UNC13B: variants seen among roughly 807,000 people sequenced by gnomAD.
UNC13B encodes the protein unc-13 homolog B.
In UNC13B, 144 loss-of-function variants were observed where a neutral mutation model predicts 211.0. The ratio of observed to expected loss-of-function variants is 0.68; its 90% CI spans 0.60 to 0.78. The LOEUF (loss-of-function observed/expected upper bound fraction) is 0.78. Among genes scored for constraint, UNC13B ranks in the 30% least tolerant of loss-of-function variants. The pLI is 0.00. For synonymous variants in UNC13B, 709 were observed against 725.8 expected, an observed-to-expected ratio of 0.98 and a Z score of 0.37; for missense variants, 1,777 against 2,002.0, an observed-to-expected ratio of 0.89 and a Z score of 2.14.
rs566101713 is a variant in UNC13B, at chr9:35,312,461, T to C, written c.9324-1438T>C. ...CTGAAAAACTGACTCTGGCTCTCCA[T>C]AGACCTTAGACTTGGCAGTCACTGT... is the stretch of plus-strand genomic sequence containing the variant. On this transcript the variant is annotated intron_variant, in intron 10 of 39. Coordinates refer to ENST00000635942, the MANE Select transcript of UNC13B (RefSeq NM_001371189.2). Among the ~76,000 whole-genome samples, 9 of 152,336 alleles carry C rather than the reference T, an allele frequency of 5.9e-5. No homozygotes were observed. In the South Asian group the frequency reaches 1.4e-3, roughly 25 times the overall value.
Position 35,400,392 on chromosome 9 carries a change from C to T in UNC13B, c.12433C>T (p.Gln4145Ter). The T allele has an allele frequency of 6.2e-7, 1 of 1,614,164 alleles. No homozygotes were observed. Among genetic ancestry groups the T allele is most frequent in the Non-Finnish European group, 8.5e-7 (1 of 1,180,006 alleles). The change falls in exon 37 of 40, where the codon CAG (glutamine) becomes TAG (stop). Residue 4145 changes from glutamine (Q) to a stop codon, truncating the protein, a stop_gained. Coordinates refer to ENST00000635942, the MANE Select transcript of UNC13B (RefSeq NM_001371189.2). LOFTEE classifies it high-confidence loss of function. ...ACGCTATGCCCTGTCTCTGTACACA[C>T]AGACTACTGACACTCTCATCAAGAC... ...SLRYALSLYT[Q>*]TTDTLIKTFV... is the part of the protein sequence containing the mutation.
chr9:35,353,702 A>G (rs1188792705), intron 11 of UNC13B: 3 of 1,232,198 alleles, frequency 2.4e-6, no homozygotes, highest in African/African-American at 1.5e-5. Flanking sequence ...CAACAAGTGC[A>G]TCAACAATTT....
chr9:35,361,445 C>A (rs561407470), intron 11 of UNC13B: 1 of 152,292 alleles, frequency 6.6e-6, no homozygotes, highest in African/African-American at 2.4e-5. Context: ...ATGGTACAGA[C>A]TACTGGTTAA....
At chr9:35,194,811 G>A (rs2131353104) in intron 1 of UNC13B, among the ~76,000 whole-genome samples, 1 of 152,206 alleles carries the variant, frequency 6.6e-6, no homozygotes, top group Middle Eastern at 3.4e-3. Flanking sequence ...CTGTCATCTC[G>A]TGCCAGAAAA....
intron 7 of UNC13B, among the ~76,000 whole-genome samples, chr9:35,276,587 A>G (rs1340981495): frequency 2.0e-5 from 3 of 152,142 alleles, no homozygotes; most frequent in Non-Finnish European, 4.4e-5. Flanking sequence ...TCCTCTTCCA[A>G]CATACTGAGT....
chr9:35,202,881 C>T (rs1823398444), intron 1 of UNC13B, among the ~76,000 whole-genome samples: 1 of 151,868 alleles, frequency 6.6e-6, no homozygotes. Context: ...CAAGCTCTGC[C>T]TCCCAGGTTC....
chr9:35,364,994 T>G (rs778683578), intron 11 of UNC13B, among the ~76,000 whole-genome samples: 2 of 152,254 alleles, frequency 1.3e-5, no homozygotes, highest in Non-Finnish European at 2.9e-5. Context: ...ACTTTGTATT[T>G]GAGAGCAGGC....
intron 1 of UNC13B, among the ~76,000 whole-genome samples, chr9:35,176,809 C>T (rs908915016): frequency 6.6e-6 from 1 of 152,104 alleles, no homozygotes; most frequent in Non-Finnish European, 1.5e-5. Context: ...GTTACCTACA[C>T]AGATCAGAGA....
chr9:35,281,406 T>A (rs1828482271), intron 7 of UNC13B, among the ~76,000 whole-genome samples: 2 of 135,920 alleles, frequency 1.5e-5, no homozygotes, highest in Non-Finnish European at 1.6e-5. Flanking sequence ...TGAGAGACTG[T>A]CTCAAAAAAA....
At chr9:35,294,482 T>G (rs1472892483) in intron 7 of UNC13B, among the ~76,000 whole-genome samples, 2 of 152,164 alleles carry the variant, frequency 1.3e-5, no homozygotes, top group East Asian at 3.9e-4. Flanking sequence ...AATTTTTGTA[T>G]TTTTATAGAG....
At chr9:35,268,218 A>G (rs902937870) in intron 7 of UNC13B, among the ~76,000 whole-genome samples, 4 of 152,152 alleles carry the variant, frequency 2.6e-5, no homozygotes, top group African/African-American at 9.6e-5. Flanking sequence ...GGAGAGGGGA[A>G]GGAGTGACCT....
chr9:35,354,886 A>G (rs187682570), intron 11 of UNC13B, among the ~76,000 whole-genome samples: 20 of 152,334 alleles, frequency 1.3e-4, no homozygotes, highest in Admixed American at 1.3e-3. Flanking sequence ...AGTCCTCAAC[A>G]CCACTTACAG....
chr9:35,203,847 G>A (rs1823476654), intron 1 of UNC13B, among the ~76,000 whole-genome samples: 1 of 152,234 alleles, frequency 6.6e-6, no homozygotes, highest in Admixed American at 6.5e-5. Context: ...TTCAGTGGAG[G>A]AATTCAATCA....
In UNC13B at chr9:35,162,305, G is replaced by C. The variant is rs746266458; in HGVS notation, c.22G>C (p.Val8Leu). Residue 8 changes from valine to leucine, a missense_variant and splice_region_variant, in exon 1 of 40, where the codon GTT (valine) becomes CTT (leucine). Coordinates refer to ENST00000635942, the MANE Select transcript of UNC13B (RefSeq NM_001371189.2). ...GGCCATGTCACTGCTCTGCGTGCGC[G>C]GTGAGTGCGCGGACTGAGGCGGGGA... MSLLCVR[V>L]KRAKFQGSPD... 2 of 1,543,780 alleles carry C rather than the reference G, an allele frequency of 1.3e-6. No homozygotes were observed. The highest frequency in any genetic ancestry group is 1.9e-5 in the Admixed American group (1 of 51,742).
At chr9:35,241,801 A>G (rs1270327029) in intron 5 of UNC13B, among the ~76,000 whole-genome samples, 8 of 152,160 alleles carry the variant, frequency 5.3e-5, no homozygotes, top group Admixed American at 5.2e-4. Context: ...GGTGTACCAT[A>G]TGGATGAGAA....
intron 1 of UNC13B, among the ~76,000 whole-genome samples, chr9:35,172,114 C>T (rs188197179): frequency 6.6e-6 from 1 of 151,214 alleles, no homozygotes; most frequent in South Asian, 2.1e-4. Context: ...GGCTCAAGGC[C>T]TCCTCCTGCC....
intron 4 of UNC13B, among the ~76,000 whole-genome samples, 170 bp from the exon 5 acceptor site, chr9:35,237,533 C>G (rs1354954250): frequency 6.6e-6 from 1 of 152,156 alleles, no homozygotes; most frequent in East Asian, 1.9e-4. Context: ...AGAGGGAAAA[C>G]AGAAGCCACA....
intron 7 of UNC13B, among the ~76,000 whole-genome samples, chr9:35,268,479 TGTG>T (rs1163984050): frequency 6.6e-6 from 1 of 151,950 alleles, no homozygotes; most frequent in Non-Finnish European, 1.5e-5. Context: ...ATTAGCCAGG[TGTG>T]GTGGCGGGCA....
intron 24 of UNC13B, among the ~76,000 whole-genome samples, chr9:35,389,445 G>A (rs1835386195): frequency 6.6e-6 from 1 of 152,184 alleles, no homozygotes; most frequent in Non-Finnish European, 1.5e-5. Context: ...GCTGTCAGTA[G>A]AGGAATACCA....
Sources: allele counts gnomAD v4.1 joint callset (sites outside exome capture counted in the v4.1 genomes callset), GRCh38; gene constraint gnomAD v4.1.1; transcripts MANE v1.5; gene names NCBI Gene and HGNC (gene_info 2026-07-23, HGNC 2026-07-21).